The following MYL10 variants were observed in gnomAD, a reference collection of about 807,000 sequenced individuals.
The protein encoded by MYL10 is myosin regulatory light chain 10.
MYL10 carries 18 observed loss-of-function variants against 21.9 expected under a neutral mutation model. The ratio of observed to expected loss-of-function variants is 0.82; its 90% CI spans 0.57 to 1.22. The LOEUF (loss-of-function observed/expected upper bound fraction) is 1.22. Ranked by LOEUF, MYL10 falls within the 50% of genes most tolerant of loss-of-function variation. The pLI is 0.00. For synonymous variants in MYL10, 88 were observed against 82.8 expected, an observed-to-expected ratio of 1.06 and a Z score of -0.34; for missense variants, 225 against 230.4, an observed-to-expected ratio of 0.98 and a Z score of 0.15.
chr7:101,623,107 C>A (rs373320871), intron 3 of MYL10, 35 bp from the exon 4 acceptor site: 10 of 1,590,258 alleles, frequency 6.3e-6, no homozygotes, highest in Non-Finnish European at 7.7e-6. Context: ...AGTCACCTGC[C>A]CTTCCAAGCC....
At chr7:101,620,424 C>T (rs1279423221) in intron 5 of MYL10, among the ~76,000 whole-genome samples, 1 of 152,168 alleles carries the variant, frequency 6.6e-6, no homozygotes, top group Non-Finnish European at 1.5e-5. Context: ...GGTAGAGCCA[C>T]CAGAGGCTGG....
In MYL10 at chr7:101,613,727, CA is replaced by C; in HGVS notation, c.534-18del. On this transcript the variant is annotated intron_variant, in intron 6 of 7. Transcript: ENST00000223167. ...TCTTTGATGCTGTTCAAGGGAGAGA[CA>C]CAGTCATGTTCAGGGAACGGGATAC... 6.2e-7 allele frequency: 1 copy of C among 1,613,838 alleles called. No individual in the cohort carries two copies. The highest frequency in any genetic ancestry group is 1.7e-5 in the Admixed American group (1 of 59,992).
chr7:101,615,756 G>A (rs1399500238), intron 6 of MYL10, among the ~76,000 whole-genome samples: 6 of 146,554 alleles, frequency 4.1e-5, no homozygotes, highest in Non-Finnish European at 7.4e-5. Context: ...GTGCAATGGC[G>A]TGATCTCGGC....
At chr7:101,620,180 C>T (rs1011377364) in intron 5 of MYL10, among the ~76,000 whole-genome samples, 1 of 152,054 alleles carries the variant, frequency 6.6e-6, no homozygotes, top group African/African-American at 2.4e-5. Flanking sequence ...AAAAATTTAG[C>T]GGGGCATGGT....
intron 5 of MYL10, among the ~76,000 whole-genome samples, chr7:101,619,415 C>T (rs1255480529): frequency 1.3e-5 from 2 of 152,198 alleles, no homozygotes; most frequent in East Asian, 3.9e-4. Context: ...CCTCATCTCT[C>T]GCACCCAGGC....
chr7:101,627,563 C>T (rs949236605), intron 1 of MYL10: 4 of 152,766 alleles, frequency 2.6e-5, no homozygotes, highest in African/African-American at 4.8e-5. Flanking sequence ...CCCAGGGCCC[C>T]TGGCATGCAC....
At chr7:101,619,503 G>A (rs1246456694) in intron 5 of MYL10, among the ~76,000 whole-genome samples, 1 of 152,158 alleles carries the variant, frequency 6.6e-6, no homozygotes, top group Non-Finnish European at 1.5e-5. Context: ...AGCAGGTCAC[G>A]ACCCATGACA....
chr7:101,626,145 T>C (rs1796743189), intron 1 of MYL10, among the ~76,000 whole-genome samples: 1 of 152,216 alleles, frequency 6.6e-6, no homozygotes, highest in African/African-American at 2.4e-5. Flanking sequence ...GTTCAAAGCC[T>C]GGCTTGGCTG....
intron 5 of MYL10, among the ~76,000 whole-genome samples, chr7:101,619,646 T>C (rs1796652836): frequency 6.6e-6 from 1 of 151,914 alleles, no homozygotes; most frequent in African/African-American, 2.4e-5. Flanking sequence ...TCCCAGCACT[T>C]TGGGAGGCCG....
intron 5 of MYL10, 58 bp from the exon 6 acceptor site, chr7:101,616,356 C>T (rs1288594660): frequency 2.8e-6 from 4 of 1,419,628 alleles, no homozygotes; most frequent in Admixed American, 3.4e-5. Flanking sequence ...CCCACAGGGA[C>T]AGGCACAAGG....
chr7:101,618,034 A>G (rs531903370), intron 5 of MYL10, among the ~76,000 whole-genome samples: 1 of 152,362 alleles, frequency 6.6e-6, no homozygotes, highest in Admixed American at 6.5e-5. Context: ...GGTCAGGGCC[A>G]TCTGTGCCTC....
chr7:101,615,923 T>C (rs556304849), intron 6 of MYL10, among the ~76,000 whole-genome samples: 2 of 152,042 alleles, frequency 1.3e-5, no homozygotes, highest in African/African-American at 4.8e-5. Flanking sequence ...GGTCTCAAAC[T>C]CCTGGTCTCA....
intron 1 of MYL10, among the ~76,000 whole-genome samples, chr7:101,625,430 A>G (rs1269592528): frequency 6.6e-6 from 1 of 152,110 alleles, no homozygotes. Flanking sequence ...TCCCACCACC[A>G]GCTCCTGTCT....
At chr7:101,618,985 C>T (rs1477873163) in intron 5 of MYL10, among the ~76,000 whole-genome samples, 3 of 152,216 alleles carry the variant, frequency 2.0e-5, no homozygotes, top group African/African-American at 4.8e-5. Context: ...TCTCTCTAAA[C>T]TCCTGCTCTG....
rs1796684551 is a variant in MYL10, at chr7:101,622,019, G to T, written c.454+77C>A. 19 of 1,165,510 alleles carry T rather than the reference G, an allele frequency of 1.6e-5. No individual in the cohort carries two copies. The South Asian group carries it at 2.5e-4, about 15-fold the overall frequency. The allele number at this position is 1,165,510 out of a possible 1,614,324, so 72.2% of individuals were successfully genotyped here. On this transcript the variant is annotated intron_variant, in intron 5 of 7. Transcript: ENST00000223167. The stretch of plus-strand genomic sequence containing the variant: ...GCTCCCACCTGTGGTGTGTATGTGT[G>T]TCAGGCCCCTGCCTTCCTACATCCG...
At chr7:101,619,733 C>CA (rs1796653997) in intron 5 of MYL10, among the ~76,000 whole-genome samples, 1 of 151,720 alleles carries the variant, frequency 6.6e-6, no homozygotes, top group African/African-American at 2.4e-5. Context: ...ACTAAAAATA[C>CA]AAAAAAATTA....
At chr7:101,625,910 C>T (rs1444159048) in intron 1 of MYL10, among the ~76,000 whole-genome samples, 5 of 151,232 alleles carry the variant, frequency 3.3e-5, no homozygotes, top group South Asian at 2.1e-4. Flanking sequence ...CTGCCCCCCA[C>T]GCCCCCAGCC....
In MYL10 at chr7:101,624,007, C is replaced by T. The variant is rs972433361; in HGVS notation, c.186G>A (p.Ser62=). The T allele has an allele frequency of 8.3e-6, 5 of 605,510 alleles. No individual in the cohort carries two copies. Among genetic ancestry groups the T allele is most frequent in the African/African-American group, 1.9e-5 (1 of 53,146 alleles). The allele number at this position is 605,510 out of a possible 1,614,324, so 37.5% of individuals were successfully genotyped here. ...TCATGCCATTGCGCTCCAGCCTGGG[C>T]GACAGAGCCAGACTCTGTCAAACAA... ...IQEFKESLAL[S]PRLERNGMIS... Residue 62 remains serine (S), a synonymous_variant, in exon 3 of 8, where the codon TCG becomes TCA. Coordinates refer to ENST00000223167, the MANE Select transcript of MYL10 (RefSeq NM_138403.5).
intron 5 of MYL10, 131 bp downstream of exon 5, chr7:101,621,965 C>A: frequency 1.5e-6 from 1 of 667,290 alleles, no homozygotes; most frequent in Non-Finnish European, 2.6e-6. Context: ...GTGCGTGCAC[C>A]TGGGGGCTGG....
Sources: gnomAD v4.1 joint callset for allele counts (sites outside exome capture counted in the v4.1 genomes callset) on GRCh38, gnomAD v4.1.1 for gene constraint, MANE v1.5 for transcripts, NCBI Gene and HGNC (gene_info 2026-07-23, HGNC 2026-07-21) for gene names.